Variants in PLA2G10 observed in about 807,000 individuals in gnomAD.
The protein encoded by PLA2G10 is phospholipase A2 group X.
In PLA2G10, 9 loss-of-function variants were observed where a neutral mutation model predicts 7.9. The observed-to-expected ratio is 1.14, with a 90% CI of 0.68 to 1.98. The LOEUF is 1.98. Ranked by LOEUF, PLA2G10 falls within the 30% of genes most tolerant of loss-of-function variation. The pLI, the probability that PLA2G10 is intolerant of heterozygous loss-of-function variation, is 0.00. For missense variants in PLA2G10, 53 were observed against 65.4 expected (o/e 0.81, Z 0.66); for synonymous variants, 19 against 27.5 (o/e 0.69, Z 0.97).
At chr16:14,680,132 T>C (rs1960849309) in intron 3 of PLA2G10, among the ~76,000 whole-genome samples, 1 of 147,942 alleles carries the variant, frequency 6.8e-6, no homozygotes, top group Non-Finnish European at 1.5e-5. Flanking sequence ...AGAGTCTCAC[T>C]CAGTCGCCCA....
chr16:14,686,831 T>C (rs910167753), intron 3 of PLA2G10, among the ~76,000 whole-genome samples: 2 of 152,048 alleles, frequency 1.3e-5, no homozygotes, highest in African/African-American at 4.8e-5. Flanking sequence ...CACGGCCAGA[T>C]GCAGTGGCTC....
At chr16:14,683,319 A>G (rs1960946382) in intron 3 of PLA2G10, among the ~76,000 whole-genome samples, 1 of 145,052 alleles carries the variant, frequency 6.9e-6, no homozygotes, top group African/African-American at 2.6e-5. Context: ...TGCAATCTCC[A>G]CCTCCCAGGT....
At chr16:14,681,087 C>T (rs958691388) in intron 3 of PLA2G10, among the ~76,000 whole-genome samples, 44 of 150,602 alleles carry the variant, frequency 2.9e-4, no homozygotes, top group African/African-American at 1.0e-3. Context: ...TGGCTTGAAC[C>T]GGGGAGGTGG....
intron 3 of PLA2G10, among the ~76,000 whole-genome samples, chr16:14,674,390 A>C (rs1207382378): frequency 1.3e-5 from 2 of 152,188 alleles, no homozygotes; most frequent in Non-Finnish European, 1.5e-5. Flanking sequence ...AACAATCCTA[A>C]AATTTACATG....
intron 3 of PLA2G10, among the ~76,000 whole-genome samples, chr16:14,685,187 C>T (rs1961018081): frequency 1.3e-5 from 2 of 152,006 alleles, no homozygotes; most frequent in Admixed American, 6.6e-5. Context: ...GCCTGGCCAA[C>T]ATGGTAAAAC....
At chr16:14,680,289 G>A (rs1020396691) in intron 3 of PLA2G10, among the ~76,000 whole-genome samples, 3 of 151,870 alleles carry the variant, frequency 2.0e-5, no homozygotes, top group African/African-American at 2.4e-5. Context: ...TAGTAGAGAC[G>A]GGGTTTCACC....
chr16:14,679,674 A>T (rs375360732), intron 3 of PLA2G10, among the ~76,000 whole-genome samples: 23 of 146,774 alleles, frequency 1.6e-4, no homozygotes, highest in Middle Eastern at 3.5e-3. Flanking sequence ...AAAAAAAAAA[A>T]ATAATAATAA....
chr16:14,687,631 T>A (rs1291384174), intron 3 of PLA2G10, among the ~76,000 whole-genome samples: 2 of 152,150 alleles, frequency 1.3e-5, no homozygotes, highest in East Asian at 1.9e-4. Context: ...TCTATCTTCT[T>A]CCTTGTCGTC....
At chr16:14,682,034 A>C (rs1368364779) in intron 3 of PLA2G10, among the ~76,000 whole-genome samples, 1 of 151,844 alleles carries the variant, frequency 6.6e-6, no homozygotes, top group Non-Finnish European at 1.5e-5. Context: ...GGGTCTCTCT[A>C]TGCTGCCAGG....
intron 3 of PLA2G10, among the ~76,000 whole-genome samples, chr16:14,679,588 AGACG>A (rs1960827677): frequency 6.6e-6 from 1 of 151,554 alleles, no homozygotes. Context: ...TGAACTCGGG[AGACG>A]GAGGTTGCAG....
chr16:14,680,932 TG>T (rs903254546), intron 3 of PLA2G10, among the ~76,000 whole-genome samples: 77 of 151,890 alleles, frequency 5.1e-4, no homozygotes, highest in Middle Eastern at 3.4e-3. Flanking sequence ...GAGGCTGAGG[TG>T]GGCAGATCCC....
intron 3 of PLA2G10, among the ~76,000 whole-genome samples, chr16:14,685,184 C>T (rs1369764586): frequency 6.6e-6 from 1 of 152,012 alleles, no homozygotes; most frequent in Non-Finnish European, 1.5e-5. Context: ...CCAGCCTGGC[C>T]AACATGGTAA....
At chr16:14,680,861 A>G (rs1249895260) in intron 3 of PLA2G10, among the ~76,000 whole-genome samples, 4 of 152,062 alleles carry the variant, frequency 2.6e-5, no homozygotes, top group Non-Finnish European at 5.9e-5. Context: ...ATTTGTTGAC[A>G]GACCAGAGAA....
chr16:14,673,547 T>A (rs1960648041), intron 3 of PLA2G10, among the ~76,000 whole-genome samples: 1 of 151,774 alleles, frequency 6.6e-6, no homozygotes, highest in Admixed American at 6.6e-5. Context: ...TTTTTGTATT[T>A]TTAGTAGAGA....
At chr16:14,686,563 C>T (rs756236893) in intron 3 of PLA2G10, among the ~76,000 whole-genome samples, 4 of 152,146 alleles carry the variant, frequency 2.6e-5, no homozygotes, top group Admixed American at 6.5e-5. Flanking sequence ...GGCTGGAGTA[C>T]GATCTCGGCT....
chr16:14,684,186 C>T (rs769737509), intron 3 of PLA2G10, among the ~76,000 whole-genome samples: 5 of 150,778 alleles, frequency 3.3e-5, no homozygotes, highest in Non-Finnish European at 4.4e-5. Flanking sequence ...GGTGAAACCC[C>T]GTCTCTACTA....
At position 14,672,633 on chromosome 16, in the gene PLA2G10, C is replaced by T. The variant is rs760505520; in HGVS notation, c.472G>A (p.Glu158Lys). The change falls in exon 4 of 4, where the codon GAG (glutamate) becomes AAG (lysine). Residue 158 changes from glutamate to lysine, a missense_variant. By Grantham distance (56) the Glu-to-Lys change is moderately conservative (BLOSUM62 1). This residue lies in a region of PLA2G10 where 48 missense variants were observed against 47.0 expected (regional missense o/e 1.02). Coordinates refer to ENST00000438167, the MANE Select transcript of PLA2G10 (RefSeq NM_003561.3). Reference sequence around the variant, plus strand: ...CAGTCACACTTGGGCGAGTCCGGCTCACATAGGAACTGGGGGTAGAAGAGG... The same window carrying T: ...CAGTCACACTTGGGCGAGTCCGGCTTACATAGGAACTGGGGGTAGAAGAGG... The part of the protein sequence containing the change: ...KYLFYPQFLC[E>K]PDSPKCD The T allele has an allele frequency of 1.5e-5, 25 of 1,613,996 alleles. No homozygotes were observed. In the Admixed American group the frequency reaches 1.8e-4, roughly 12 times the overall value.
At chr16:14,678,340 C>T (rs1377794331) in intron 3 of PLA2G10, among the ~76,000 whole-genome samples, 2 of 152,186 alleles carry the variant, frequency 1.3e-5, no homozygotes, top group East Asian at 3.8e-4. Context: ...CAGCCCCTTC[C>T]ACCATCTTCA....
chr16:14,678,699 G>T (rs529791772), intron 3 of PLA2G10: 2 of 394,756 alleles, frequency 5.1e-6, no homozygotes, highest in South Asian at 3.8e-5. Flanking sequence ...GAGCCCAAAA[G>T]GCAGAGGTTG....
Sources: allele counts gnomAD v4.1 joint callset (sites outside exome capture counted in the v4.1 genomes callset), GRCh38; gene constraint gnomAD v4.1.1; regional missense constraint gnomAD v4.1.1; transcripts MANE v1.5; gene names NCBI Gene and HGNC (gene_info 2026-07-23, HGNC 2026-07-21).